Variants in SHCBP1L observed in about 807,000 individuals in gnomAD.
SHCBP1L encodes the protein SHC binding and spindle associated 1 like.
A neutral mutation model predicts 62.5 loss-of-function variants in SHCBP1L; 67 were observed. That is an observed-to-expected ratio of 1.07 (90% confidence interval 0.88 to 1.31). SHCBP1L has a LOEUF of 1.31. SHCBP1L is among the 40% of genes most tolerant of loss of function. The pLI is 0.00. For missense variants in SHCBP1L, 823 were observed against 809.8 expected (o/e 1.02, Z -0.20); for synonymous variants, 284 against 289.4 (o/e 0.98, Z 0.19).
intron 8 of SHCBP1L, among the ~76,000 whole-genome samples, chr1:182,903,432 A>C (rs1649904692): frequency 6.6e-6 from 1 of 152,214 alleles, no homozygotes; most frequent in Non-Finnish European, 1.5e-5. Context: ...TCTAGAAAGG[A>C]GTCCACTCTT....
chr1:182,929,462 A>C (rs2101941480), intron 6 of SHCBP1L, among the ~76,000 whole-genome samples, 185 bp downstream of exon 6: 1 of 152,326 alleles, frequency 6.6e-6, no homozygotes, highest in East Asian at 1.9e-4. Context: ...CTACAAGGTT[A>C]GTACTCAGTA....
rs1557996934 is a variant in SHCBP1L at position 182,924,797 on chromosome 1, A to AAGGAAGG, written c.1182+4849_1182+4850insCCTTCCT. Among the ~76,000 whole-genome samples, 33 of 122,832 alleles carry AAGGAAGG rather than the reference A, an allele frequency of 2.7e-4. 2 individuals carry two copies. Among genetic ancestry groups the AAGGAAGG allele is most frequent in the African/African-American group, 1.4e-3 (32 of 22,778 alleles). The allele number at this position is 122,832 out of a possible 152,430, so 80.6% of individuals were successfully genotyped here. ...GAAAGAAAGAAAGAAAGAGAGAAAG[A>AAGGAAGG]AAGGAAGGAAGGAAGGAGGGAAGAG... On this transcript the variant is annotated intron_variant, in intron 6 of 9. Transcript: ENST00000367547.
At chr1:182,933,078 G>A (rs1297995590) in intron 5 of SHCBP1L, among the ~76,000 whole-genome samples, 1 of 151,748 alleles carries the variant, frequency 6.6e-6, no homozygotes, top group Non-Finnish European at 1.5e-5. Flanking sequence ...GCTAATTTCT[G>A]TATTTTTAGT....
At chr1:182,937,277 C>A (rs1422374207) in intron 5 of SHCBP1L, among the ~76,000 whole-genome samples, 1 of 152,012 alleles carries the variant, frequency 6.6e-6, no homozygotes, top group Non-Finnish European at 1.5e-5. Flanking sequence ...TTCTTGCTCA[C>A]ATTTGAAGAA....
In SHCBP1L at chr1:182,953,102, G is replaced by A. The variant is rs549871703; in HGVS notation, c.32C>T (p.Ala11Val). ...CGGGCTGATGGTGCGGAATGAGTCC[G>A]CGGGCACCGAGGCCTTGGAGCCCGA... MASGSKASVPADSFRTISPDR... is the reference protein window; with the variant it reads MASGSKASVPVDSFRTISPDR... Residue 11 changes from alanine to valine, a missense_variant, in exon 1 of 10, where the codon GCG (alanine) becomes GTG (valine). Coordinates refer to ENST00000367547, the MANE Select transcript of SHCBP1L (RefSeq NM_030933.4). The A allele has an allele frequency of 1.1e-5, 17 of 1,572,790 alleles. No homozygotes were observed. In the East Asian group the frequency reaches 2.1e-4, roughly 19 times the overall value.
intron 7 of SHCBP1L, 60 bp from the exon 8 acceptor site, chr1:182,904,490 T>G: frequency 6.3e-7 from 1 of 1,580,214 alleles, no homozygotes; most frequent in Non-Finnish European, 8.6e-7. Context: ...GGCCCTTTAT[T>G]GTCATTCAAC....
Position 182,952,885 on chromosome 1 carries a change from C to T in SHCBP1L, c.249G>A (p.Glu83=). The change falls in exon 1 of 10, where the codon GAG becomes GAA. Residue 83 remains glutamate, a synonymous_variant. Transcript: ENST00000367547. ...LPAAQAEDTG[E]AAAAAAEEPL... Reference sequence around the variant, plus strand: ...GCTCCTCCGCCGCCGCCGCCGCCGCCTCTCCCGTGTCCTCGGCCTGAGCCG... The same window carrying T: ...GCTCCTCCGCCGCCGCCGCCGCCGCTTCTCCCGTGTCCTCGGCCTGAGCCG... 4 of 1,594,282 alleles carry T rather than the reference C, an allele frequency of 2.5e-6. No individual in the cohort carries two copies. Among genetic ancestry groups the T allele is most frequent in the South Asian group, 1.1e-5 (1 of 88,900 alleles).
chr1:182,940,258 A>T, intron 3 of SHCBP1L, 71 bp downstream of exon 3: 1 of 1,301,456 alleles, frequency 7.7e-7, no homozygotes, highest in Non-Finnish European at 1.1e-6. Flanking sequence ...TAAAGCGATT[A>T]TATGAACAAA....
chr1:182,901,067 TGACTGG>T (rs1649818699), intron 9 of SHCBP1L, among the ~76,000 whole-genome samples: 1 of 152,218 alleles, frequency 6.6e-6, no homozygotes, highest in Non-Finnish European at 1.5e-5. Context: ...TGTGATAGCA[TGACTGG>T]GTGGGGAGAG....
Position 182,924,780 on chromosome 1 carries a change from GAA to G in SHCBP1L, c.1182+4865_1182+4866del, listed in dbSNP as rs1277718715. 1.6e-3 allele frequency among the ~76,000 whole-genome samples: 149 copies of G among 94,822 alleles called. 4 individuals are homozygous for G. The highest frequency in any genetic ancestry group is 5.8e-3 in the Middle Eastern group (1 of 172). 62.2% of individuals were successfully genotyped at this position (94,822 alleles called of 152,430 possible). On this transcript the variant is annotated intron_variant, in intron 6 of 9. Coordinates refer to ENST00000367547, the MANE Select transcript of SHCBP1L (RefSeq NM_030933.4). ...AGAAAGAAAGAAAGAAAGAAAGAAA[GAA>G]AGAAAGAGAGAAAGAAAGGAAGGAA...
chr1:182,921,821 G>A (rs1488834729), intron 6 of SHCBP1L, among the ~76,000 whole-genome samples: 1 of 152,118 alleles, frequency 6.6e-6, no homozygotes, highest in Non-Finnish European at 1.5e-5. Context: ...GCAAGAGGCA[G>A]AGAATGCAGT....
chr1:182,945,280 C>T (rs757166840), intron 2 of SHCBP1L, among the ~76,000 whole-genome samples: 31 of 152,024 alleles, frequency 2.0e-4, no homozygotes, highest in African/African-American at 4.6e-4. Context: ...TCATTTTCTA[C>T]GTGGCTTTCA....
intron 2 of SHCBP1L, among the ~76,000 whole-genome samples, chr1:182,944,957 C>CTTTTTTTTTTTTTTTT (rs11309339): frequency 2.2e-4 from 24 of 109,070 alleles, no homozygotes; most frequent in African/African-American, 3.1e-4. Flanking sequence ...TTCTTTCTTT[C>CTTTTTTTTTTTTTTTT]TTTTTTTTTT....
intron 5 of SHCBP1L, among the ~76,000 whole-genome samples, chr1:182,936,814 C>G (rs1372115752): frequency 1.3e-5 from 2 of 151,892 alleles, no homozygotes; most frequent in South Asian, 4.2e-4. Flanking sequence ...CTTTGGAGGT[C>G]GAGGTGGGAG....
chr1:182,948,940 T>C (rs139168610), intron 2 of SHCBP1L, among the ~76,000 whole-genome samples: 55 of 152,340 alleles, frequency 3.6e-4, no homozygotes, highest in African/African-American at 1.3e-3. Flanking sequence ...GCCAATATAC[T>C]GTTTTGCTTT....
Position 182,903,044 on chromosome 1 carries a change from T to C in SHCBP1L, c.1705A>G (p.Met569Val). The change falls in exon 9 of 10, where the codon ATG becomes GTG. Residue 569 changes from methionine (M) to valine (V), a missense_variant. Physicochemically the swap from Met to Val is conservative, Grantham distance 21. Coordinates refer to ENST00000367547, the MANE Select transcript of SHCBP1L (RefSeq NM_030933.4). ...SSKSTLGGVN[M>V]KVLPAPKLKM... ...ATCAAGAAATAAGAGAATACCTTCA[T>C]ATTAACTCCACCTAAGGTGCTTTTT... 1 of 1,582,464 alleles carries C rather than the reference T, an allele frequency of 6.3e-7. No individual in the cohort carries two copies. Among genetic ancestry groups the C allele is most frequent in the Non-Finnish European group, 8.6e-7 (1 of 1,165,756 alleles).
chr1:182,925,605 T>C (rs1332355480), intron 6 of SHCBP1L, among the ~76,000 whole-genome samples: 3 of 152,232 alleles, frequency 2.0e-5, no homozygotes, highest in Non-Finnish European at 4.4e-5. Flanking sequence ...GGAACTCTAA[T>C]ACTTTGCAGA....
chr1:182,912,637 C>T (rs948030599), intron 6 of SHCBP1L, among the ~76,000 whole-genome samples: 16 of 151,968 alleles, frequency 1.1e-4, no homozygotes, highest in African/African-American at 3.1e-4. Flanking sequence ...ATTCTCCTGC[C>T]TCAGCCTCCC....
chr1:182,927,559 C>G (rs2101940081), intron 6 of SHCBP1L, among the ~76,000 whole-genome samples: 1 of 151,302 alleles, frequency 6.6e-6, no homozygotes, highest in East Asian at 2.0e-4. Flanking sequence ...GTAGTCCCAG[C>G]TACTCGGGAG....
Sources: gnomAD v4.1 joint callset for allele counts (sites outside exome capture counted in the v4.1 genomes callset) on GRCh38, gnomAD v4.1.1 for gene constraint, MANE v1.5 for transcripts, NCBI Gene and HGNC (gene_info 2026-07-23, HGNC 2026-07-21) for gene names.